IRS2: variants seen among roughly 807,000 people sequenced by gnomAD.
IRS2 encodes insulin receptor substrate 2.
Under a neutral mutation model 70.9 loss-of-function variants are expected in IRS2, and 28 were observed. That is an observed-to-expected ratio of 0.39 (90% confidence interval 0.29 to 0.54). The LOEUF (loss-of-function observed/expected upper bound fraction) is 0.54. Ranked by LOEUF, IRS2 falls within the 20% of genes least tolerant of loss-of-function variation. The pLI is 0.59. For synonymous variants in IRS2, 1,217 were observed against 981.9 expected (o/e 1.24, Z -4.48); for missense variants, 2,081 against 2,024.1 (o/e 1.03, Z -0.54).
rs764380886 is a variant in IRS2 at position 109,782,630 on chromosome 13, C to G, written c.3424G>C (p.Gly1142Arg). 8.3e-5 allele frequency: 131 copies of G among 1,573,116 alleles called. No individual in the cohort carries two copies. The highest frequency in any genetic ancestry group is 1.1e-4 in the Non-Finnish European group (128 of 1,161,456). The change falls in exon 1 of 2, where the codon GGG (glycine) becomes CGG (arginine). Residue 1142 changes from glycine (G) to arginine (R), a missense_variant. Gly to Arg is a moderately radical substitution (Grantham distance 125, BLOSUM62 -2). Transcript: ENST00000375856. ...TCGGAACTGTGGCGGCGGCGGCCCC[C>G]CTGCGGGTCTGCGCGGATGACCTTG... ...GAKVIRADPQ[G>R]GRRRHSSETF...
chr13:109,783,330 T>C lies in IRS2; in HGVS notation c.2724A>G (p.Pro908=), dbSNP rs1877784348. Residue 908 remains proline, a synonymous_variant, in exon 1 of 2, where the codon CCA becomes CCG. Transcript: ENST00000375856. ...LPSLPSMHEY[P]LPPEPKSPGE... The stretch of plus-strand genomic sequence containing the variant: ...CGGGGCTCTTGGGCTCCGGTGGCAG[T>C]GGGTACTCGTGCATGCTGGGCAGGC... 1 of 1,557,504 alleles carries C rather than the reference T, an allele frequency of 6.4e-7. No individual in the cohort carries two copies. The highest frequency in any genetic ancestry group is 8.6e-7 in the Non-Finnish European group (1 of 1,161,100).
Position 109,784,188 on chromosome 13 carries a change from C to T in IRS2, c.1866G>A (p.Lys622=), listed in dbSNP as rs758629687. 1 of 1,577,402 alleles carries T rather than the reference C, an allele frequency of 6.3e-7. No individual in the cohort carries two copies. The highest frequency in any genetic ancestry group is 2.3e-5 in the East Asian group (1 of 44,270). ...LCPSCPASSP[K]VAYHPYPEDY... Reference sequence around the variant, plus strand: ...CCTCTGGGTAGGGGTGGTAGGCCACCTTGGGAGAGGACGCGGGGCAGGACG... The same window carrying T: ...CCTCTGGGTAGGGGTGGTAGGCCACTTTGGGAGAGGACGCGGGGCAGGACG... Residue 622 remains lysine, a synonymous_variant, in exon 1 of 2, where the codon AAG becomes AAA. Transcript: ENST00000375856. This position sits in a 1 kb window ranked among gnomAD's most constrained non-coding sequence, Gnocchi z 5.2.
At chr13:109,781,699 G>C (rs1269098337) in intron 1 of IRS2, among the ~76,000 whole-genome samples, 1 of 152,282 alleles carries the variant, frequency 6.6e-6, no homozygotes, top group East Asian at 1.9e-4. Flanking sequence ...AAGACAGTCG[G>C]GTGCCCCGCG....
rs752763066 is a variant in IRS2 at position 109,756,006 on chromosome 13, C to T, written c.*298G>A. 8 of 459,034 alleles carry T rather than the reference C, an allele frequency of 1.7e-5. No individual in the cohort carries two copies. Among genetic ancestry groups the T allele is most frequent in the Non-Finnish European group, 2.8e-5 (7 of 254,444 alleles). The allele number at this position is 459,034 out of a possible 1,614,324, so 28.4% of individuals were successfully genotyped here. ...GACACTGGCCACAATTTAAGAAGGC[C>T]AATGAAAACATCCAATTTTCTTGAG... is the stretch of plus-strand genomic sequence containing the variant. On this transcript the variant is annotated 3_prime_UTR_variant, in exon 2 of 2. Transcript: ENST00000375856.
At position 109,784,154 on chromosome 13, in the gene IRS2, C is replaced by T. The variant is rs767352162; in HGVS notation, c.1900G>A (p.Asp634Asn). ...CTCCTGTGGGAGCCGATCTCGATGTCTCCGTAGTCCTCTGGGTAGGGGTGG... is the reference window on the plus strand; with the variant it reads ...CTCCTGTGGGAGCCGATCTCGATGTTTCCGTAGTCCTCTGGGTAGGGGTGG... The part of the protein sequence containing the change: ...AYHPYPEDYG[D>N]IEIGSHRSSS... Residue 634 changes from aspartate to asparagine, a missense_variant, in exon 1 of 2, where the codon GAC (aspartate) becomes AAC (asparagine). Around this residue, in one of 4 missense-constraint regions of IRS2, gnomAD observed 1,615 missense variants for 1,459.5 expected, o/e 1.11. Coordinates refer to ENST00000375856, the MANE Select transcript of IRS2 (RefSeq NM_003749.3). The surrounding 1 kb of genome is among the most constrained non-coding windows in gnomAD (Gnocchi z 5.2). The T allele has an allele frequency of 6.9e-6, 11 of 1,589,054 alleles. 1 individual carries two copies. In the East Asian group the frequency reaches 2.5e-4, roughly 36 times the overall value.
chr13:109,771,799 G>A (rs1457608146), intron 1 of IRS2, among the ~76,000 whole-genome samples: 16 of 152,094 alleles, frequency 1.1e-4, no homozygotes, highest in Admixed American at 1.0e-3. Context: ...CTGCTGTCTG[G>A]GAAGTTCAGA....
chr13:109,785,408 C>A lies in IRS2; in HGVS notation c.646G>T (p.Val216Leu), dbSNP rs768235363. 4 of 1,612,460 alleles carry A rather than the reference C, an allele frequency of 2.5e-6. No individual in the cohort carries two copies. Among genetic ancestry groups the A allele is most frequent in the Non-Finnish European group, 3.4e-6 (4 of 1,179,892 alleles). ...CGCGCAGACAGGCACAGACGGTACA[C>A]CCCCGTCAGGTTCTTGCTCTGGCCC... ...GLGQSKNLTG[V>L]YRLCLSARTI... Residue 216 changes from valine (V) to leucine (L), a missense_variant, in exon 1 of 2, where the codon GTG becomes TTG. Transcript: ENST00000375856. The surrounding 1 kb of genome is among the most constrained non-coding windows in gnomAD (Gnocchi z 9.3).
intron 1 of IRS2, among the ~76,000 whole-genome samples, chr13:109,767,828 G>T (rs1485334473): frequency 6.6e-6 from 1 of 151,324 alleles, no homozygotes; most frequent in African/African-American, 2.4e-5. Flanking sequence ...CGCTTCACGG[G>T]TTCCAGCGAT....
intron 1 of IRS2, among the ~76,000 whole-genome samples, chr13:109,767,983 G>C (rs1223659073): frequency 6.6e-6 from 1 of 152,098 alleles, no homozygotes; most frequent in Non-Finnish European, 1.5e-5. Context: ...CACCAGCCTT[G>C]GTCTCCCAAA....
intron 1 of IRS2, among the ~76,000 whole-genome samples, chr13:109,775,394 C>T (rs35887251): frequency 0.33 from 50,044 of 151,616 alleles, 8,327 homozygotes; most frequent in Middle Eastern, 0.47. Flanking sequence ...GCTGGGATTA[C>T]AGGCATGAGC....
At position 109,785,794 on chromosome 13, in the gene IRS2, C is replaced by T; in HGVS notation, c.260G>A (p.Gly87Asp). 1 of 1,579,036 alleles carries T rather than the reference C, an allele frequency of 6.3e-7. No individual in the cohort carries two copies. The highest frequency in any genetic ancestry group is 8.5e-7 in the Non-Finnish European group (1 of 1,170,112). ...ESEKKWRSKAGAPKRVIALDC... is the reference protein window; with the variant it reads ...ESEKKWRSKADAPKRVIALDC... Reference sequence around the variant, plus strand: ...GAGAGCGATCACCCGTTTCGGCGCGCCTGCCTTGCTCCGCCACTTTTTCTC... The same window carrying T: ...GAGAGCGATCACCCGTTTCGGCGCGTCTGCCTTGCTCCGCCACTTTTTCTC... Residue 87 changes from glycine (G) to aspartate (D), a missense_variant, in exon 1 of 2, where the codon GGC becomes GAC. Coordinates refer to ENST00000375856, the MANE Select transcript of IRS2 (RefSeq NM_003749.3). The surrounding 1 kb of genome is among the most constrained non-coding windows in gnomAD (Gnocchi z 9.3).
intron 1 of IRS2, among the ~76,000 whole-genome samples, chr13:109,770,039 T>TA (rs1396060525): frequency 6.6e-6 from 1 of 152,198 alleles, no homozygotes; most frequent in Non-Finnish European, 1.5e-5. Context: ...CATCTGTGAC[T>TA]AACTCCCCCA....
rs1305776458 is a variant in IRS2, at chr13:109,783,924, TGGCCCCGCA to T, written c.2121_2129del (p.Gly709_Ala711del). 9 of 1,541,862 alleles carry T rather than the reference TGGCCCCGCA, an allele frequency of 5.8e-6. No homozygotes were observed. The African/African-American group carries it at 6.9e-5, about 12-fold the overall frequency. ...TCCTGCCCGCCGCAGAGGTGGGTGC[TGGCCCCGCA>T]GGCCCCGCAGAAGGCACGGCGGCGG... is the stretch of plus-strand genomic sequence containing the variant. On this transcript the variant is annotated inframe_deletion, in exon 1 of 2. Transcript: ENST00000375856.
At position 109,784,278 on chromosome 13, in the gene IRS2, A is replaced by C. The variant is rs1877839608; in HGVS notation, c.1776T>G (p.Ser592=). The C allele has an allele frequency of 1.3e-6, 2 of 1,595,112 alleles. No homozygotes were observed. Among genetic ancestry groups the C allele is most frequent in the African/African-American group, 1.3e-5 (1 of 74,666 alleles). Residue 592 remains serine, a synonymous_variant, in exon 1 of 2, where the codon TCT becomes TCG. Coordinates refer to ENST00000375856, the MANE Select transcript of IRS2 (RefSeq NM_003749.3). This position sits in a 1 kb window ranked among gnomAD's most constrained non-coding sequence, Gnocchi z 5.2. ...ARQRPVPQPS[S]ASLDEYTLMR... ...TCAGGGTGTATTCATCCAGCGAGGC[A>C]GAGGAGGGCTGGGGCACCGGCCGCT...
At chr13:109,758,882 G>C (rs1161792897) in intron 1 of IRS2, among the ~76,000 whole-genome samples, 2 of 149,478 alleles carry the variant, frequency 1.3e-5, no homozygotes, top group Non-Finnish European at 1.5e-5. Flanking sequence ...AGCGGAAGAG[G>C]AAGAGGAAGG....
chr13:109,770,228 T>C (rs1196624849), intron 1 of IRS2, among the ~76,000 whole-genome samples: 6 of 152,158 alleles, frequency 3.9e-5, no homozygotes, highest in Non-Finnish European at 8.8e-5. Context: ...TAGGGATGCC[T>C]ATAGAAAGAA....
In IRS2 at chr13:109,785,518, C is replaced by T. The variant is rs915146950; in HGVS notation, c.536G>A (p.Gly179Glu). The T allele has an allele frequency of 1.2e-6, 2 of 1,600,608 alleles. No homozygotes were observed. Among genetic ancestry groups the T allele is most frequent in the African/African-American group, 2.7e-5 (2 of 74,440 alleles). Reference sequence around the variant, plus strand: ...CACCAGCCCGTAGCTGTCCTCGGCCCCGGCGGCGCCGGCAGAGCCGCCCAG... The same window carrying T: ...CACCAGCCCGTAGCTGTCCTCGGCCTCGGCGGCGCCGGCAGAGCCGCCCAG... ...GALGGSAGAA[G>E]AEDSYGLVAP... is the part of the protein sequence containing the mutation. Residue 179 changes from glycine to glutamate, a missense_variant, in exon 1 of 2, where the codon GGG (glycine) becomes GAG (glutamate). Physicochemically the swap from Gly to Glu is moderately conservative, Grantham distance 98. Transcript: ENST00000375856. This position sits in a 1 kb window ranked among gnomAD's most constrained non-coding sequence, Gnocchi z 9.3.
intron 1 of IRS2, among the ~76,000 whole-genome samples, chr13:109,763,321 A>G (rs1877266723): frequency 6.6e-6 from 1 of 152,250 alleles, no homozygotes; most frequent in African/African-American, 2.4e-5. Context: ...ATCTACTAAA[A>G]ACCACACTAT....
Position 109,782,782 on chromosome 13 carries a change from G to T in IRS2, c.3272C>A (p.Pro1091Gln), listed in dbSNP as rs533420684. ...GGCCACGCGGGCAGCTTCTGGCTTC[G>T]GGGGGGCCGCGATAGGTTGCGGCGG... ...ATPPQPIAAP[P>Q]KPEAARVASP... Residue 1091 changes from proline (P) to glutamine (Q), a missense_variant, in exon 1 of 2, where the codon CCG (proline) becomes CAG (glutamine). Physicochemically the swap from Pro to Gln is moderately conservative, Grantham distance 76 (BLOSUM62 -1). Transcript: ENST00000375856. 5 of 1,601,768 alleles carry T rather than the reference G, an allele frequency of 3.1e-6. No individual in the cohort carries two copies. The highest frequency in any genetic ancestry group is 2.2e-5 in the South Asian group (2 of 89,348).
Sources: gnomAD v4.1 joint callset for allele counts (sites outside exome capture counted in the v4.1 genomes callset) on GRCh38, gnomAD v4.1.1 for gene constraint, gnomAD v4.1.1 regional missense constraint, Gnocchi (gnomAD v3.1) non-coding constraint, MANE v1.5 for transcripts, NCBI Gene and HGNC (gene_info 2026-07-23, HGNC 2026-07-21) for gene names.